Variants in TMEM59L observed in about 807,000 individuals in gnomAD.
TMEM59L encodes transmembrane protein 59-like.
A neutral mutation model predicts 39.6 loss-of-function variants in TMEM59L; 31 were observed. The observed-to-expected ratio is 0.78, with a 90% confidence interval of 0.59 to 1.06. The LOEUF is 1.06. TMEM59L is among the 50% of genes least tolerant of loss of function. The probability of loss-of-function intolerance (pLI) is 0.00; values close to 1 mark genes in which losing one functional copy is unlikely to be tolerated. For missense variants in TMEM59L, 441 were observed against 451.3 expected (o/e 0.98, Z 0.21); for synonymous variants, 219 against 202.9 (o/e 1.08, Z -0.68).
intron 7 of TMEM59L, 45 bp from the exon 8 acceptor site, chr19:18,620,363 C>A: frequency 6.4e-7 from 1 of 1,554,918 alleles, no homozygotes; most frequent in Non-Finnish European, 8.8e-7. Flanking sequence ...GGGGGCTCGG[C>A]CTCTCCCCGT....
intron 5 of TMEM59L, chr19:18,617,766 G>C (rs531086667): frequency 1.6e-4 from 65 of 410,410 alleles, no homozygotes; most frequent in African/African-American, 1.2e-3. Flanking sequence ...CCATCTCCCA[G>C]GGTTCCATGT....
At chr19:18,615,143 C>T (rs533975023) in intron 3 of TMEM59L, among the ~76,000 whole-genome samples, 8 of 152,130 alleles carry the variant, frequency 5.3e-5, no homozygotes, top group African/African-American at 1.7e-4. Context: ...CCACTACAAT[C>T]GGCTAATTTT....
In TMEM59L at chr19:18,614,538, C is replaced by T. The variant is rs577584545; in HGVS notation, c.408+343C>T. 1.2e-4 allele frequency among the ~76,000 whole-genome samples: 18 copies of T among 152,348 alleles called. No homozygotes were observed. The South Asian group carries it at 3.3e-3, about 28-fold the overall frequency. On this transcript the variant is annotated intron_variant, in intron 3 of 7. Transcript: ENST00000262817. ...CCCCATTTAGTGCCCAGGGGGCAAC[C>T]TCCCAGGTCATACACAGGGCTGTGC... is the stretch of plus-strand genomic sequence containing the variant.
intron 3 of TMEM59L, among the ~76,000 whole-genome samples, chr19:18,614,510 C>T (rs770162927): frequency 2.0e-5 from 3 of 152,232 alleles, no homozygotes; most frequent in Non-Finnish European, 4.4e-5. Context: ...AGGACAATGT[C>T]ACCCCCATTT....
At chr19:18,613,832 C>A in intron 1 of TMEM59L, 40 bp from the exon 2 acceptor site, 1 of 1,555,632 alleles carries the variant, frequency 6.4e-7, no homozygotes, top group South Asian at 1.1e-5. Context: ...TCCTCCTGCC[C>A]CTCCCCATGG....
intron 7 of TMEM59L, among the ~76,000 whole-genome samples, chr19:18,619,166 A>AT (rs893382116): frequency 6.6e-6 from 1 of 151,082 alleles, no homozygotes; most frequent in African/African-American, 2.4e-5. Context: ...TAATTTTTGT[A>AT]TTTTTTGTAG....
At chr19:18,618,618 T>C in intron 7 of TMEM59L, 126 bp downstream of exon 7, 2 of 659,470 alleles carry the variant, frequency 3.0e-6, no homozygotes, top group Non-Finnish European at 5.2e-6. Context: ...TTTTTCTTTT[T>C]TCATGTATAT....
intron 1 of TMEM59L, 73 bp downstream of exon 1, chr19:18,613,202 C>G: frequency 8.2e-7 from 1 of 1,215,670 alleles, no homozygotes; most frequent in Non-Finnish European, 1.0e-6. Flanking sequence ...TTGGGATGGG[C>G]TTCTCTTGGA....
intron 5 of TMEM59L, chr19:18,617,453 C>T (rs751896296): frequency 4.3e-5 from 20 of 470,202 alleles, no homozygotes; most frequent in South Asian, 1.7e-4. Context: ...CGCCTCCCAG[C>T]GTTCTGTGGT....
At chr19:18,616,208 C>T (rs1976425986) in intron 4 of TMEM59L, 81 bp downstream of exon 4, 2 of 1,548,144 alleles carry the variant, frequency 1.3e-6, no homozygotes, top group Admixed American at 1.7e-5. Flanking sequence ...GCTCTTAGCT[C>T]ATGAGATGCA....
chr19:18,618,366 GC>G lies in TMEM59L; in HGVS notation c.783-8del, dbSNP rs1976454643. The G allele has an allele frequency of 6.2e-7, 1 of 1,605,386 alleles. No individual in the cohort carries two copies. The highest frequency in any genetic ancestry group is 8.5e-7 in the Non-Finnish European group (1 of 1,178,178). On this transcript the variant is annotated splice_region_variant and splice_polypyrimidine_tract_variant and intron_variant, in intron 6 of 7. Coordinates refer to ENST00000262817, the MANE Select transcript of TMEM59L (RefSeq NM_012109.3). ...TGGGCAGCTGAGTGGTGCCTGCCGGGCGGGGCAGGCGCTCGGGTCTGCCTCG... is the reference window on the plus strand; with the variant it reads ...TGGGCAGCTGAGTGGTGCCTGCCGGGGGGGCAGGCGCTCGGGTCTGCCTCG...
chr19:18,617,439 G>A (rs1283178972), intron 5 of TMEM59L: 1 of 486,012 alleles, frequency 2.1e-6, no homozygotes, highest in South Asian at 1.5e-5. Context: ...AGGGTTCCGT[G>A]TTCCGCCTCC....
chr19:18,613,774 C>A, intron 1 of TMEM59L, 98 bp from the exon 2 acceptor site: 2 of 915,108 alleles, frequency 2.2e-6, no homozygotes, highest in South Asian at 1.5e-5. Context: ...TCGTGGGGAG[C>A]GGGGAAGCCT....
At position 18,620,597 on chromosome 19, in the gene TMEM59L, G is replaced by T. The variant is rs1976486021; in HGVS notation, c.*61G>T. 1.3e-6 allele frequency: 2 copies of T among 1,572,860 alleles called. No individual in the cohort carries two copies. Among genetic ancestry groups the T allele is most frequent in the African/African-American group, 1.4e-5 (1 of 73,982 alleles). The stretch of plus-strand genomic sequence containing the variant: ...GCCCCTCGGGCCTCACTTGCCCTGA[G>T]CCCAGGAGTCCAAGGGCAGGGTGGG... On this transcript the variant is annotated 3_prime_UTR_variant, in exon 8 of 8. Transcript: ENST00000262817.
intron 4 of TMEM59L, 57 bp from the exon 5 acceptor site, chr19:18,616,943 T>C: frequency 7.2e-7 from 1 of 1,382,752 alleles, no homozygotes; most frequent in Non-Finnish European, 1.0e-6. Context: ...AGGGCCTGCC[T>C]GGGCCCAGGG....
At chr19:18,616,902 A>C in intron 4 of TMEM59L, 98 bp from the exon 5 acceptor site, 1 of 864,982 alleles carries the variant, frequency 1.2e-6, no homozygotes, top group African/African-American at 1.7e-5. Flanking sequence ...GGAACTGGGT[A>C]TCAGCTGGGC....
At chr19:18,618,130 C>G (rs368780170) in intron 5 of TMEM59L, 25 bp from the exon 6 acceptor site, 2 of 1,577,024 alleles carry the variant, frequency 1.3e-6, no homozygotes, top group African/African-American at 2.7e-5. Context: ...ACCTGGTGGT[C>G]GCTGAGTGGC....
intron 4 of TMEM59L, 128 bp from the exon 5 acceptor site, chr19:18,616,872 G>A (rs1290253105): frequency 1.4e-6 from 1 of 708,084 alleles, no homozygotes; most frequent in African/African-American, 1.8e-5. Flanking sequence ...CTGACATCAA[G>A]CCCACCCCTG....
chr19:18,617,032 G>A lies in TMEM59L; in HGVS notation c.594G>A (p.Gln198=), dbSNP rs201571872. Residue 198 remains glutamine (Q), a synonymous_variant, in exon 5 of 8, where the codon CAG becomes CAA. Coordinates refer to ENST00000262817, the MANE Select transcript of TMEM59L (RefSeq NM_012109.3). ...CCATAGTGGAGAGCCTCGGCTTCCAGGGGGGCCGTCTGCAGCGCGTGGAGG... is the reference window on the plus strand; with the variant it reads ...CCATAGTGGAGAGCCTCGGCTTCCAAGGGGGCCGTCTGCAGCGCGTGGAGG... ...TQPIVESLGF[Q]GGRLQRVEVT... 5 of 1,612,134 alleles carry A rather than the reference G, an allele frequency of 3.1e-6. No individual in the cohort carries two copies. Among genetic ancestry groups the A allele is most frequent in the African/African-American group, 1.3e-5 (1 of 74,862 alleles).
Sources: gnomAD v4.1 joint callset for allele counts (sites outside exome capture counted in the v4.1 genomes callset) on GRCh38, gnomAD v4.1.1 for gene constraint, MANE v1.5 for transcripts, NCBI Gene and HGNC (gene_info 2026-07-23, HGNC 2026-07-21) for gene names.